TTLL5: variants seen among roughly 807,000 people sequenced by gnomAD.
The protein encoded by TTLL5 is tubulin tyrosine ligase like 5, also known as tubulin polyglutamylase TTLL5.
TTLL5 carries 132 observed loss-of-function variants against 168.4 expected under a neutral mutation model. That is an observed-to-expected ratio of 0.78 (90% CI 0.68 to 0.91). The LOEUF (loss-of-function observed/expected upper bound fraction) is 0.91, where lower values mean the gene tolerates loss of function less well. TTLL5 is among the 40% of genes least tolerant of loss of function. The pLI is 0.00. For synonymous variants in TTLL5, 546 were observed against 558.6 expected (o/e 0.98, Z 0.32); for missense variants, 1,545 against 1,581.5 (o/e 0.98, Z 0.39).
At position 75,718,687 on chromosome 14, in the gene TTLL5, A is replaced by G. The variant is rs148587713; in HGVS notation, c.842+725A>G. On this transcript the variant is annotated intron_variant, in intron 10 of 31. Coordinates refer to ENST00000298832, the MANE Select transcript of TTLL5 (RefSeq NM_015072.5). ...TCAAGAAAAAGAAAAGGAAAAAATC[A>G]AAGAAAGAAAGAAATGAGGCCATCT... Among the ~76,000 whole-genome samples the G allele has an allele frequency of 8.3e-3, 1,269 of 152,350 alleles. 16 individuals carry two copies. Among genetic ancestry groups the G allele is most frequent in the African/African-American group, 0.029 (1,195 of 41,582 alleles).
chr14:75,731,837 A>T (rs143530656), intron 12 of TTLL5, among the ~76,000 whole-genome samples: 135 of 152,300 alleles, frequency 8.9e-4, no homozygotes, highest in African/African-American at 3.2e-3. Flanking sequence ...TGCAAAAGCA[A>T]TATCTTGGTT....
chr14:75,840,449 C>T (rs1005821844), intron 28 of TTLL5, among the ~76,000 whole-genome samples: 2 of 151,416 alleles, frequency 1.3e-5, no homozygotes, highest in African/African-American at 4.9e-5. Flanking sequence ...CCTGTGTTCT[C>T]ATTGTTCACC....
Position 75,764,667 on chromosome 14 carries a change from G to A in TTLL5, c.1603G>A (p.Ala535Thr), listed in dbSNP as rs753878212. 1.2e-6 allele frequency: 2 copies of A among 1,614,028 alleles called. No homozygotes were observed. Among genetic ancestry groups the A allele is most frequent in the African/African-American group, 2.7e-5 (2 of 74,914 alleles). ...GAAGATAGAGAGTCTGAATTCAAAG[G>A]CCAAGCTGCATGCTGCACTTTACGA... ...ELKIESLNSK[A>T]KLHAALYERK... Residue 535 changes from alanine (A) to threonine (T), a missense_variant, in exon 19 of 32, where the codon GCC becomes ACC. Transcript: ENST00000298832.
In TTLL5 at chr14:75,669,104, A is replaced by G. The variant is rs560867202; in HGVS notation, c.75-312A>G. ...GAGAAAGAAACCATTGCTTTCTCAC[A>G]GAGTCCAGAACATGTCTCCTTAAAC... is the stretch of plus-strand genomic sequence containing the variant. On this transcript the variant is annotated intron_variant, in intron 2 of 31. Coordinates refer to ENST00000298832, the MANE Select transcript of TTLL5 (RefSeq NM_015072.5). 2.0e-5 allele frequency among the ~76,000 whole-genome samples: 3 copies of G among 152,372 alleles called. No individual in the cohort carries two copies. The South Asian group carries it at 6.2e-4, about 32-fold the overall frequency.
rs1366305694 is a variant in TTLL5, at chr14:75,799,914, G to C, written c.3171+6814G>C. 6.6e-5 allele frequency among the ~76,000 whole-genome samples: 10 copies of C among 152,110 alleles called. No homozygotes were observed. In the East Asian group the frequency reaches 1.9e-3, roughly 29 times the overall value. On this transcript the variant is annotated intron_variant, in intron 27 of 31. Transcript: ENST00000298832. ...CTCTTAAGAGTCTTTCCTTTGTCTT[G>C]ACTTTAGATAACCTGATGACTATGT... is the stretch of plus-strand genomic sequence containing the variant.
intron 31 of TTLL5, among the ~76,000 whole-genome samples, chr14:75,912,510 G>A (rs1313174588): frequency 6.6e-6 from 1 of 152,072 alleles, no homozygotes; most frequent in South Asian, 2.1e-4. Flanking sequence ...GGGAAAGTCA[G>A]GGCCAAAAAA....
At chr14:75,936,487 T>C (rs971640714) in intron 31 of TTLL5, among the ~76,000 whole-genome samples, 22 of 152,342 alleles carry the variant, frequency 1.4e-4, no homozygotes, top group African/African-American at 4.8e-4. Context: ...CACAGCTTCA[T>C]TGACCTCCCT....
chr14:75,941,205 C>T (rs1028943810), intron 31 of TTLL5, among the ~76,000 whole-genome samples: 1 of 152,212 alleles, frequency 6.6e-6, no homozygotes, highest in Non-Finnish European at 1.5e-5. Flanking sequence ...GAACAAACCC[C>T]TTGCAGCTGT....
Position 75,766,224 on chromosome 14 carries a change from C to T in TTLL5, c.1871C>T (p.Ala624Val). 1 of 1,613,980 alleles carries T rather than the reference C, an allele frequency of 6.2e-7. No individual in the cohort carries two copies. The change falls in exon 20 of 32, where the codon GCT (alanine) becomes GTT (valine). Residue 624 changes from alanine to valine, a missense_variant. Physicochemically the swap from Ala to Val is moderately conservative, Grantham distance 64. Coordinates refer to ENST00000298832, the MANE Select transcript of TTLL5 (RefSeq NM_015072.5). ...GCCAAATATACACCCTCATTGACAGCTTTGGTAGAAAATACACCCAAAGAA... is the reference window on the plus strand; with the variant it reads ...GCCAAATATACACCCTCATTGACAGTTTTGGTAGAAAATACACCCAAAGAA... ...NQAKYTPSLT[A>V]LVENTPKENS...
chr14:75,829,766 TG>T (rs1311618189), intron 28 of TTLL5, among the ~76,000 whole-genome samples: 1 of 152,130 alleles, frequency 6.6e-6, no homozygotes, highest in Non-Finnish European at 1.5e-5. Context: ...AAGAAGATAA[TG>T]TGCAAGATAT....
chr14:75,946,489 T>C (rs1344182368), intron 31 of TTLL5, among the ~76,000 whole-genome samples: 1 of 152,148 alleles, frequency 6.6e-6, no homozygotes, highest in African/African-American at 2.4e-5. Flanking sequence ...CTTAAAACAG[T>C]ACGAACAAAT....
At chr14:75,734,908 C>T (rs955726955) in intron 14 of TTLL5, among the ~76,000 whole-genome samples, 2 of 152,218 alleles carry the variant, frequency 1.3e-5, no homozygotes, top group African/African-American at 4.8e-5. Context: ...TGCGGTTACT[C>T]TTAAGTTCTT....
intron 29 of TTLL5, among the ~76,000 whole-genome samples, chr14:75,874,070 GTTATTC>G (rs2031261524): frequency 7.8e-6 from 1 of 127,946 alleles, no homozygotes; most frequent in African/African-American, 3.1e-5. Flanking sequence ...TGATTAAATG[GTTATTC>G]TTTATTTATT....
chr14:75,751,294 C>T (rs957999293), intron 17 of TTLL5, among the ~76,000 whole-genome samples: 2 of 152,200 alleles, frequency 1.3e-5, no homozygotes, highest in East Asian at 3.8e-4. Flanking sequence ...GCAGCTCCAG[C>T]ATGTGATTTC....
chr14:75,756,440 C>G (rs1279753178), intron 18 of TTLL5, among the ~76,000 whole-genome samples: 1 of 151,830 alleles, frequency 6.6e-6, no homozygotes, highest in African/African-American at 2.4e-5. Flanking sequence ...GATACATGAA[C>G]CTACACAGGC....
chr14:75,745,387 G>A lies in TTLL5; in HGVS notation c.1396-103G>A, dbSNP rs1889540310. The A allele has an allele frequency of 3.1e-6, 4 of 1,294,876 alleles. No individual in the cohort carries two copies. The African/African-American group carries it at 5.9e-5, about 19-fold the overall frequency. 80.2% of individuals were successfully genotyped at this position (1,294,876 alleles called of 1,614,324 possible). The stretch of plus-strand genomic sequence containing the variant: ...AAATGGAATTAATTTCTCCCTTCAT[G>A]CTACTTTCATATTCTTGGGTCATAA... On this transcript the variant is annotated intron_variant, in intron 16 of 31. Transcript: ENST00000298832.
intron 21 of TTLL5, 136 bp downstream of exon 21, chr14:75,771,990 T>C: frequency 9.9e-7 from 1 of 1,012,560 alleles, no homozygotes; most frequent in Non-Finnish European, 1.4e-6. Flanking sequence ...GGTTTTTAGA[T>C]TTCTTATAAA....
chr14:75,689,348 GC>G (rs1411006546), intron 5 of TTLL5: 3 of 152,162 alleles, frequency 2.0e-5, no homozygotes, highest in Non-Finnish European at 4.4e-5. Flanking sequence ...CACATTCCTG[GC>G]CCCAGAAACT....
chr14:75,840,408 C>G (rs1019276143), intron 28 of TTLL5, among the ~76,000 whole-genome samples: 3 of 152,058 alleles, frequency 2.0e-5, no homozygotes, highest in Non-Finnish European at 4.4e-5. Context: ...CCCCCACCCC[C>G]TGACAGGCCC....
Sources: gnomAD v4.1 joint callset for allele counts (sites outside exome capture counted in the v4.1 genomes callset) on GRCh38, gnomAD v4.1.1 for gene constraint, MANE v1.5 for transcripts, NCBI Gene and HGNC (gene_info 2026-07-23, HGNC 2026-07-21) for gene names.